Variants in DRD2 observed in about 807,000 individuals in gnomAD.
DRD2 encodes dopamine receptor D2, also known as D(2) dopamine receptor.
DRD2 carries 8 observed loss-of-function variants against 38.0 expected under a neutral mutation model. The ratio of observed to expected loss-of-function variants is 0.21; its 90% CI spans 0.12 to 0.38. DRD2 has a LOEUF of 0.38. Among genes scored for constraint, DRD2 ranks in the 10% least tolerant of loss-of-function variants. The pLI is 1.00. For missense variants in DRD2, 403 were observed against 607.7 expected (o/e 0.66, Z 3.54); for synonymous variants, 230 against 238.6 (o/e 0.96, Z 0.33).
Position 113,417,979 on chromosome 11 carries a change from A to G in DRD2, c.395+48T>C, listed in dbSNP as rs770900138. On this transcript the variant is annotated intron_variant, in intron 3 of 7. Transcript: ENST00000362072. ...GGCTTTGAGAAAAGCTGGGGCAGCC[A>G]GAATGGTGAGTGGCCAGAGCAACCT... The G allele has an allele frequency of 4.0e-6, 6 of 1,517,778 alleles. No individual in the cohort carries two copies. In the Admixed American group the frequency reaches 6.7e-5, roughly 17 times the overall value. 94.0% of individuals were successfully genotyped at this position (1,517,778 alleles called of 1,614,324 possible). A position where few individuals can be genotyped will look rare whatever the true frequency, so the allele number is the denominator to read the frequency against.
intron 1 of DRD2, among the ~76,000 whole-genome samples, chr11:113,453,449 A>G (rs1251984158): frequency 6.6e-6 from 1 of 152,272 alleles, no homozygotes; most frequent in African/African-American, 2.4e-5. Context: ...GCTTTGAAGT[A>G]GTAAGATGCC....
rs1079727 is a variant in DRD2 at position 113,418,460 on chromosome 11, T to C, written c.286-324A>G. Among the ~76,000 whole-genome samples, 24,889 of 152,190 alleles carry C rather than the reference T, an allele frequency of 0.16. 2,543 individuals carry two copies. The highest frequency in any genetic ancestry group is 0.42 in the East Asian group (2,152 of 5,180). ...CCATGTGTTTTCTTAGATTCTGTAT[T>C]TGTGTATTTGGCACCCATTCATCAC... On this transcript the variant is annotated intron_variant, in intron 2 of 7. Coordinates refer to ENST00000362072, the MANE Select transcript of DRD2 (RefSeq NM_000795.4).
intron 1 of DRD2, among the ~76,000 whole-genome samples, chr11:113,443,502 G>T (rs747390294): frequency 6.6e-6 from 1 of 152,172 alleles, no homozygotes; most frequent in Non-Finnish European, 1.5e-5. Flanking sequence ...CCAAGTTTTG[G>T]GCAGATTGGA....
rs1331019485 is a variant in DRD2 at position 113,414,423 on chromosome 11, G to A, written c.762C>T (p.Thr254=). 44 of 1,614,178 alleles carry A rather than the reference G, an allele frequency of 2.7e-5. No homozygotes were observed. Among genetic ancestry groups the A allele is most frequent in the South Asian group, 5.5e-5 (5 of 91,078 alleles). ...CTHPEDMKLC[T]VIMKSNGSFP... is the part of the protein sequence containing the mutation. ...AACTCCCATTAGACTTCATGATAAC[G>A]GTGCAGAGTTTCATGTCCTCGGGGT... The change falls in exon 6 of 8, where the codon ACC becomes ACT. Residue 254 remains threonine, a synonymous_variant. Transcript: ENST00000362072.
chr11:113,447,751 A>C (rs998480433), intron 1 of DRD2: 2 of 152,248 alleles, frequency 1.3e-5, no homozygotes, highest in African/African-American at 4.8e-5. Flanking sequence ...CCACATTTCC[A>C]ACCATGTGAC....
Position 113,416,923 on chromosome 11 carries a change from T to C in DRD2, c.472A>G (p.Ile158Val), listed in dbSNP as rs139000780. 5.6e-6 allele frequency: 9 copies of C among 1,614,180 alleles called. No individual in the cohort carries two copies. In the East Asian group the frequency reaches 1.8e-4, roughly 32 times the overall value. ...ATGGTGAAGGACAGGACCCAGACGA[T>C]GGAGATCATGACGGTGACCCGGCGC... ...SKRRVTVMIS[I>V]VWVLSFTISC... Residue 158 changes from isoleucine (I) to valine (V), a missense_variant, in exon 4 of 8, where the codon ATC becomes GTC. By Grantham distance (29) the Ile-to-Val change is conservative. Around this residue, in one of 4 missense-constraint regions of DRD2, gnomAD observed 162 missense variants for 254.5 expected, o/e 0.64. Transcript: ENST00000362072.
chr11:113,439,296 G>A (rs1346446838), intron 1 of DRD2, among the ~76,000 whole-genome samples: 1 of 152,182 alleles, frequency 6.6e-6, no homozygotes, highest in Non-Finnish European at 1.5e-5. Context: ...TTGTTATGCT[G>A]GAGGAAGCTG....
chr11:113,418,157 T>A (rs754957378), intron 2 of DRD2, 21 bp from the exon 3 acceptor site: 1 of 1,594,048 alleles, frequency 6.3e-7, no homozygotes, highest in African/African-American at 1.3e-5. Context: ...AGCAACATAA[T>A]GGATGGACAG....
chr11:113,421,140 G>A (rs529486355), intron 2 of DRD2, among the ~76,000 whole-genome samples: 27 of 152,218 alleles, frequency 1.8e-4, no homozygotes, highest in African/African-American at 6.0e-4. Context: ...CTGCTGGGTG[G>A]CTTTCTTGAG....
At chr11:113,411,003 C>T (rs1253891071) in intron 7 of DRD2, 83 bp from the exon 8 acceptor site, 33 of 1,462,544 alleles carry the variant, frequency 2.3e-5, no homozygotes, top group Non-Finnish European at 2.8e-5. Context: ...CGCCCTGGCT[C>T]GTATGCCAAG....
At chr11:113,467,901 G>A (rs1421864006) in intron 1 of DRD2, among the ~76,000 whole-genome samples, 4 of 152,234 alleles carry the variant, frequency 2.6e-5, no homozygotes, top group African/African-American at 7.2e-5. Context: ...GTGCAGATAA[G>A]TGGAGAGTGT....
At chr11:113,411,776 AG>A (rs1349249750) in intron 7 of DRD2, 1 of 152,344 alleles carries the variant, frequency 6.6e-6, no homozygotes, top group East Asian at 1.9e-4. Flanking sequence ...TCATAAAAGA[AG>A]GGAGGTAACA....
chr11:113,432,288 T>TC (rs1950994133), intron 1 of DRD2, among the ~76,000 whole-genome samples: 40 of 136,366 alleles, frequency 2.9e-4, no homozygotes, highest in East Asian at 6.7e-4. Flanking sequence ...GATCCTCTCT[T>TC]TCTCTCTCTC....
intron 6 of DRD2, chr11:113,414,018 G>C (rs1950796744): frequency 2.8e-6 from 1 of 353,304 alleles, no homozygotes; most frequent in South Asian, 2.3e-5. Context: ...TTCCTCTTCT[G>C]TCAACTGAAG....
intron 7 of DRD2, chr11:113,412,231 C>T (rs1950775981): frequency 2.4e-6 from 1 of 417,156 alleles, no homozygotes; most frequent in African/African-American, 2.0e-5. Flanking sequence ...GAGAAAGTGA[C>T]TTTCCTGGGC....
Position 113,412,754 on chromosome 11 carries a change from C to A in DRD2, c.940G>T (p.Gly314Cys), listed in dbSNP as rs770907631. 1 of 1,613,810 alleles carries A rather than the reference C, an allele frequency of 6.2e-7. No homozygotes were observed. Residue 314 changes from glycine (G) to cysteine (C), a missense_variant, in exon 7 of 8, where the codon GGT becomes TGT. Gly to Cys is a radical substitution (Grantham distance 159). Coordinates refer to ENST00000362072, the MANE Select transcript of DRD2 (RefSeq NM_000795.4). ...QLTLPDPSHH[G>C]LHSTPDSPAK... ...GGGCTGTCGGGAGTGCTGTGGAGAC[C>A]ATGGTGGGACGGGTCGGGGAGAGTC...
rs553052703 is a variant in DRD2, at chr11:113,410,501, G to T, written c.*226C>A. The T allele has an allele frequency of 8.1e-6, 5 of 619,254 alleles. No homozygotes were observed. The highest frequency in any genetic ancestry group is 7.3e-5 in the African/African-American group (4 of 54,904). 38.4% of individuals were successfully genotyped at this position (619,254 alleles called of 1,614,324 possible). A position where few individuals can be genotyped will look rare whatever the true frequency, so the allele number is the denominator to read the frequency against. ...CTATGAGCTGCCCCTGAGCTGGGGG[G>T]CCCAGCCCCAGGGCTGGTACCATGC... On this transcript the variant is annotated 3_prime_UTR_variant, in exon 8 of 8. Coordinates refer to ENST00000362072, the MANE Select transcript of DRD2 (RefSeq NM_000795.4).
intron 1 of DRD2, among the ~76,000 whole-genome samples, chr11:113,425,606 G>A (rs1411046798): frequency 6.6e-6 from 1 of 152,182 alleles, no homozygotes; most frequent in African/African-American, 2.4e-5. Flanking sequence ...CGGAGAGGAG[G>A]GGCCCAGAGT....
intron 1 of DRD2, among the ~76,000 whole-genome samples, chr11:113,445,406 C>T (rs1170615591): frequency 6.6e-6 from 1 of 152,182 alleles, no homozygotes; most frequent in East Asian, 1.9e-4. Flanking sequence ...TACTTTGCTA[C>T]TCTTCTGCAA....
Sources: allele counts gnomAD v4.1 joint callset (sites outside exome capture counted in the v4.1 genomes callset), GRCh38; gene constraint gnomAD v4.1.1; regional missense constraint gnomAD v4.1.1; transcripts MANE v1.5; gene names NCBI Gene and HGNC (gene_info 2026-07-23, HGNC 2026-07-21).